Variants in PHACTR1 observed in about 807,000 individuals in gnomAD.
PHACTR1 encodes phosphatase and actin regulator 1, also known as RPEL repeat containing 1.
In PHACTR1, 16 loss-of-function variants were observed where a neutral mutation model predicts 69.2. The observed-to-expected ratio is 0.23, with a 90% CI of 0.16 to 0.35. The LOEUF (loss-of-function observed/expected upper bound fraction) is 0.35, where lower values mean the gene tolerates loss of function less well. Ranked by LOEUF, PHACTR1 falls within the 10% of genes least tolerant of loss-of-function variation. The pLI is 1.00. For missense variants in PHACTR1, 510 were observed against 734.7 expected (o/e 0.69, Z 3.54); for synonymous variants, 312 against 284.5 (o/e 1.10, Z -0.97).
At chr6:13,242,218 A>T (rs1167829403) in intron 10 of PHACTR1, among the ~76,000 whole-genome samples, 1 of 152,178 alleles carries the variant, frequency 6.6e-6, no homozygotes, top group African/African-American at 2.4e-5. Flanking sequence ...TCCAATCTCA[A>T]TAGCAAGGGA....
chr6:13,104,896 T>G (rs1292607175), intron 5 of PHACTR1, among the ~76,000 whole-genome samples: 1 of 152,236 alleles, frequency 6.6e-6, no homozygotes. Flanking sequence ...GTTTTTATTG[T>G]GTCAGAATCT....
At chr6:13,048,408 C>T (rs569029864) in intron 4 of PHACTR1, among the ~76,000 whole-genome samples, 57 of 152,238 alleles carry the variant, frequency 3.7e-4, no homozygotes, top group African/African-American at 1.1e-3. Flanking sequence ...TTTGTGATTC[C>T]AAAACATGGC....
At chr6:12,898,315 G>A (rs975790301) in intron 4 of PHACTR1, among the ~76,000 whole-genome samples, 5 of 151,934 alleles carry the variant, frequency 3.3e-5, no homozygotes, top group African/African-American at 1.2e-4. Context: ...AATACCGACG[G>A]GAGCTGATGA....
intron 4 of PHACTR1, among the ~76,000 whole-genome samples, chr6:12,954,129 CA>C (rs1316970753): frequency 6.6e-6 from 1 of 152,118 alleles, no homozygotes; most frequent in African/African-American, 2.4e-5. Flanking sequence ...ACATTCCAGG[CA>C]GACGAAACAG....
intron 4 of PHACTR1, among the ~76,000 whole-genome samples, chr6:12,857,601 T>A (rs200674274): frequency 1.4e-5 from 2 of 146,514 alleles, no homozygotes; most frequent in African/African-American, 2.5e-5. Context: ...GACTCCATCT[T>A]AAAAAAAAAA....
intron 6 of PHACTR1, among the ~76,000 whole-genome samples, chr6:13,163,900 G>A (rs764345387): frequency 1.3e-5 from 2 of 151,922 alleles, no homozygotes; most frequent in Non-Finnish European, 1.5e-5. Context: ...CTCAATAAGG[G>A]TTAACATGCT....
At position 13,287,830 on chromosome 6, in the gene PHACTR1, C is replaced by G. The variant is rs1328934768; in HGVS notation, c.*752C>G. ...ATATGCTCAGTTCAAATAATCAACCCAACTGTGTCCAGAGTGTCCAGTGTC... is the reference window on the plus strand; with the variant it reads ...ATATGCTCAGTTCAAATAATCAACCGAACTGTGTCCAGAGTGTCCAGTGTC... On this transcript the variant is annotated 3_prime_UTR_variant, in exon 15 of 15. Transcript: ENST00000332995. 6.5e-6 allele frequency: 1 copy of G among 154,110 alleles called. No individual in the cohort carries two copies. The highest frequency in any genetic ancestry group is 1.4e-5 in the Non-Finnish European group (1 of 69,314). The allele number at this position is 154,110 out of a possible 1,614,324, so 9.5% of individuals were successfully genotyped here.
chr6:13,153,434 CT>C lies in PHACTR1; in HGVS notation c.416-6763del, dbSNP rs560524724. 6.6e-5 allele frequency among the ~76,000 whole-genome samples: 10 copies of C among 152,296 alleles called. No homozygotes were observed. In the South Asian group the frequency reaches 1.2e-3, roughly 19 times the overall value. On this transcript the variant is annotated intron_variant, in intron 5 of 14. Transcript: ENST00000332995. Reference sequence around the variant, plus strand: ...CAGGCAAGTGAGATATGCGAAATCTCTTTTTTTACATGTCTGGATCTTGTCA... The same window carrying C: ...CAGGCAAGTGAGATATGCGAAATCTCTTTTTTACATGTCTGGATCTTGTCA...
At chr6:13,128,065 A>G (rs1313657664) in intron 5 of PHACTR1, among the ~76,000 whole-genome samples, 1 of 149,524 alleles carries the variant, frequency 6.7e-6, no homozygotes, top group Non-Finnish European at 1.5e-5. Context: ...ATCTTGTGAA[A>G]AGTCACTTGC....
chr6:12,815,295 C>T (rs557120052), intron 4 of PHACTR1, among the ~76,000 whole-genome samples: 18 of 152,254 alleles, frequency 1.2e-4, no homozygotes, highest in South Asian at 2.1e-4. Flanking sequence ...TATTTCTAGA[C>T]GCTGAAACTG....
chr6:13,252,904 C>A, intron 10 of PHACTR1: 1 of 294,382 alleles, frequency 3.4e-6, no homozygotes, highest in Non-Finnish European at 7.5e-6. Context: ...AACCCCCCTC[C>A]ACTTGAGCAT....
At chr6:13,241,343 A>C (rs1339025370) in intron 10 of PHACTR1, among the ~76,000 whole-genome samples, 1 of 152,146 alleles carries the variant, frequency 6.6e-6, no homozygotes, top group African/African-American at 2.4e-5. Context: ...TGGCATCAGC[A>C]TCCCCTGGGA....
chr6:13,189,556 G>C (rs779055447), intron 7 of PHACTR1, among the ~76,000 whole-genome samples: 2 of 151,926 alleles, frequency 1.3e-5, no homozygotes, highest in African/African-American at 4.8e-5. Context: ...ATGCCACCAC[G>C]CCTGGCTAAC....
In PHACTR1 at chr6:13,237,517, T is replaced by C. The variant is rs1772180768; in HGVS notation, c.1391+7324T>C. On this transcript the variant is annotated intron_variant, in intron 10 of 14. Transcript: ENST00000332995. ...TTCTATTTATAGTATATTCATGAAG[T>C]CTGTGTGCATGCACTGCACATGCCG... Among the ~76,000 whole-genome samples the C allele has an allele frequency of 2.6e-5, 4 of 152,206 alleles. No homozygotes were observed. In the South Asian group the frequency reaches 8.3e-4, roughly 31 times the overall value.
intron 4 of PHACTR1, among the ~76,000 whole-genome samples, chr6:12,856,251 C>CT (rs201867496): frequency 0.092 from 8,660 of 94,632 alleles, 311 homozygotes; most frequent in Middle Eastern, 0.13. Context: ...TTCTTTCTTT[C>CT]TTTCTTTTTT....
intron 10 of PHACTR1, among the ~76,000 whole-genome samples, chr6:13,240,089 T>A (rs1263013211): frequency 6.6e-6 from 1 of 150,728 alleles, no homozygotes; most frequent in African/African-American, 2.4e-5. Flanking sequence ...AGGTTGTGAG[T>A]CTTACTTTGT....
chr6:12,959,545 C>G (rs1792415945), intron 4 of PHACTR1, among the ~76,000 whole-genome samples: 1 of 152,154 alleles, frequency 6.6e-6, no homozygotes, highest in Non-Finnish European at 1.5e-5. Flanking sequence ...CATAGAGCCC[C>G]TTTTTAAGGC....
intron 5 of PHACTR1, among the ~76,000 whole-genome samples, chr6:13,104,572 A>G (rs866527559): frequency 5.3e-5 from 8 of 152,234 alleles, no homozygotes; most frequent in African/African-American, 1.2e-4. Context: ...ACTTTAAATT[A>G]TATTTTGCAA....
At chr6:13,110,967 T>A (rs565378942) in intron 5 of PHACTR1, among the ~76,000 whole-genome samples, 2 of 152,224 alleles carry the variant, frequency 1.3e-5, no homozygotes, top group South Asian at 2.1e-4. Flanking sequence ...ATATTTGAAG[T>A]CTTTTCTATA....
Sources: gnomAD v4.1 joint callset for allele counts (sites outside exome capture counted in the v4.1 genomes callset) on GRCh38, gnomAD v4.1.1 for gene constraint, MANE v1.5 for transcripts, NCBI Gene and HGNC (gene_info 2026-07-23, HGNC 2026-07-21) for gene names.